The following MPDZ variants were observed in gnomAD, a reference collection of about 807,000 sequenced individuals.
MPDZ encodes multiple PDZ domain protein.
A neutral mutation model predicts 239.1 loss-of-function variants in MPDZ; 234 were observed. The observed-to-expected ratio is 0.98, with a 90% CI of 0.88 to 1.09. MPDZ has a LOEUF of 1.09. Ranked by LOEUF, MPDZ falls within the 50% of genes least tolerant of loss-of-function variation. The probability of loss-of-function intolerance (pLI) is 0.00; values close to 1 mark genes in which losing one functional copy is unlikely to be tolerated. For missense variants in MPDZ, 3,175 were observed against 2,510.0 expected (o/e 1.26, Z -5.66); for synonymous variants, 1,048 against 881.3 (o/e 1.19, Z -3.35).
chr9:13,147,671 G>T lies in MPDZ; in HGVS notation c.3631-13C>A, dbSNP rs551821068. ...CCATTCCATCCACCTGCAATGGAAG[G>T]CCTCAGCTTAACATTTCAAGAATCT... On this transcript the variant is annotated splice_polypyrimidine_tract_variant and intron_variant, in intron 25 of 46. Coordinates refer to ENST00000319217, the MANE Select transcript of MPDZ (RefSeq NM_001378778.1). The T allele has an allele frequency of 2.2e-5, 35 of 1,589,544 alleles. No individual in the cohort carries two copies. Among genetic ancestry groups the T allele is most frequent in the Non-Finnish European group, 2.9e-5 (34 of 1,159,082 alleles).
chr9:13,108,193 A>G (rs1454548703), intron 46 of MPDZ, among the ~76,000 whole-genome samples: 3 of 152,176 alleles, frequency 2.0e-5, no homozygotes, highest in African/African-American at 7.2e-5. Flanking sequence ...TTGAGATTCT[A>G]AATTTTTCCC....
rs147092862 is a variant in MPDZ at position 13,237,222 on chromosome 9, T to A, written c.183+10413A>T. Among the ~76,000 whole-genome samples, 770 of 151,664 alleles carry A rather than the reference T, an allele frequency of 5.1e-3. 9 individuals are homozygous for A. Among genetic ancestry groups the A allele is most frequent in the African/African-American group, 0.017 (717 of 41,316 alleles). On this transcript the variant is annotated intron_variant, in intron 3 of 46. Transcript: ENST00000319217. Reference sequence around the variant, plus strand: ...CTTTGGGAGGCTGAGGTGGGCAGATTGCTTGAGTCCAGGAGTTCGAGACCC... The same window carrying A: ...CTTTGGGAGGCTGAGGTGGGCAGATAGCTTGAGTCCAGGAGTTCGAGACCC...
intron 17 of MPDZ, among the ~76,000 whole-genome samples, chr9:13,187,457 AG>A (rs1954274298): frequency 6.6e-6 from 1 of 152,170 alleles, no homozygotes; most frequent in South Asian, 2.1e-4. Context: ...AGTCCCTGAT[AG>A]CCTATCTTTA....
chr9:13,219,990 T>G (rs1411210773), intron 7 of MPDZ, among the ~76,000 whole-genome samples: 2 of 152,010 alleles, frequency 1.3e-5, no homozygotes, highest in African/African-American at 4.8e-5. Context: ...AAATCAATAG[T>G]CCATATGAAC....
intron 3 of MPDZ, among the ~76,000 whole-genome samples, chr9:13,241,658 T>C: frequency 6.6e-6 from 1 of 152,224 alleles, no homozygotes; most frequent in East Asian, 1.9e-4. Context: ...AACAAAACAG[T>C]ATCTTTCTGA....
At chr9:13,249,667 A>C (rs1250847036) in intron 2 of MPDZ, among the ~76,000 whole-genome samples, 1 of 152,216 alleles carries the variant, frequency 6.6e-6, no homozygotes, top group Non-Finnish European at 1.5e-5. Context: ...GAATAGGGTA[A>C]GGAACTAGAA....
Position 13,110,750 on chromosome 9 carries a change from A to T in MPDZ, c.5725-10T>A. 6.2e-7 allele frequency: 1 copy of T among 1,606,334 alleles called. No individual in the cohort carries two copies. The highest frequency in any genetic ancestry group is 2.2e-5 in the East Asian group (1 of 44,768). ...CAATCCTATCCCCAACCTGCAAGGG[A>T]GAGAAAGAAACAGCCATCTGCTAAA... is the stretch of plus-strand genomic sequence containing the variant. On this transcript the variant is annotated splice_polypyrimidine_tract_variant and intron_variant, in intron 43 of 46. Coordinates refer to ENST00000319217, the MANE Select transcript of MPDZ (RefSeq NM_001378778.1).
chr9:13,136,325 C>CTTTTTTTTTTTTTTTTTT lies in MPDZ; in HGVS notation c.4293-161_4293-144dup, dbSNP rs869272418. 1.4e-3 allele frequency: 222 copies of CTTTTTTTTTTTTTTTTTT among 156,696 alleles called. 17 individuals are homozygous for CTTTTTTTTTTTTTTTTTT. The highest frequency in any genetic ancestry group is 2.6e-3 in the East Asian group (12 of 4,624). The allele number at this position is 156,696 out of a possible 1,614,324, so 9.7% of individuals were successfully genotyped here. ...ACACTTACAAATTTACAAACGTTTT[C>CTTTTTTTTTTTTTTTTTT]TTTTTTTTTTTTTTTTTTTTTTTTG... On this transcript the variant is annotated intron_variant, in intron 30 of 46. Coordinates refer to ENST00000319217, the MANE Select transcript of MPDZ (RefSeq NM_001378778.1).
chr9:13,163,464 T>C (rs530503505), intron 22 of MPDZ, among the ~76,000 whole-genome samples: 3 of 152,290 alleles, frequency 2.0e-5, no homozygotes, highest in South Asian at 4.1e-4. Context: ...ATTCAACAAG[T>C]ACTGACTGAA....
chr9:13,125,677 A>AT (rs1945004949), intron 34 of MPDZ, among the ~76,000 whole-genome samples: 1 of 152,066 alleles, frequency 6.6e-6, no homozygotes, highest in Non-Finnish European at 1.5e-5. Context: ...TACATCTCTA[A>AT]TCTCATCCGT....
chr9:13,238,217 G>A (rs1328121229), intron 3 of MPDZ, among the ~76,000 whole-genome samples: 3 of 152,272 alleles, frequency 2.0e-5, no homozygotes, highest in Admixed American at 6.5e-5. Flanking sequence ...TATACTACCT[G>A]GGACTAGGCA....
In MPDZ at chr9:13,113,063, GC is replaced by G. The variant is rs1344644231; in HGVS notation, c.5558-10del. The G allele has an allele frequency of 6.4e-7, 1 of 1,561,510 alleles. No homozygotes were observed. On this transcript the variant is annotated splice_polypyrimidine_tract_variant and intron_variant, in intron 41 of 46. Transcript: ENST00000319217. ...CTGTATTTCAGATGCCACTGTAAAGGCAAAAAAGATAAAATAGGGTTATTTT... is the reference window on the plus strand; with the variant it reads ...CTGTATTTCAGATGCCACTGTAAAGGAAAAAAGATAAAATAGGGTTATTTT...
chr9:13,225,619 CACAG>C (rs1338884360), intron 3 of MPDZ, among the ~76,000 whole-genome samples: 2 of 151,964 alleles, frequency 1.3e-5, no homozygotes, highest in East Asian at 1.9e-4. Flanking sequence ...TATTTAGAAA[CACAG>C]ACAATTACCA....
At chr9:13,266,390 C>T (rs924425670) in intron 1 of MPDZ, among the ~76,000 whole-genome samples, 6 of 152,176 alleles carry the variant, frequency 3.9e-5, no homozygotes, top group Non-Finnish European at 8.8e-5. Flanking sequence ...CAACTCTGCA[C>T]GGAGAAGTAC....
At chr9:13,225,565 A>T (rs1960312274) in intron 3 of MPDZ, among the ~76,000 whole-genome samples, 1 of 151,942 alleles carries the variant, frequency 6.6e-6, no homozygotes, top group South Asian at 2.1e-4. Flanking sequence ...ATACAGGTGT[A>T]CCATTTTTTA....
intron 32 of MPDZ, among the ~76,000 whole-genome samples, chr9:13,131,070 T>C (rs1333544884): frequency 6.6e-6 from 1 of 152,204 alleles, no homozygotes; most frequent in Non-Finnish European, 1.5e-5. Context: ...TTAAATTACT[T>C]TGTCAAATAA....
At chr9:13,208,833 G>C (rs1162412698) in intron 10 of MPDZ, among the ~76,000 whole-genome samples, 1 of 152,072 alleles carries the variant, frequency 6.6e-6, no homozygotes, top group African/African-American at 2.4e-5. Flanking sequence ...AACCTTCTAT[G>C]ATACTTCTGA....
chr9:13,114,629 C>A (rs934066347), intron 40 of MPDZ, among the ~76,000 whole-genome samples: 1 of 152,102 alleles, frequency 6.6e-6, no homozygotes, highest in South Asian at 2.1e-4. Context: ...GGGCCAGGTA[C>A]GGTGGCTCAT....
chr9:13,125,176 T>C, intron 35 of MPDZ, 40 bp downstream of exon 35: 1 of 1,486,582 alleles, frequency 6.7e-7, no homozygotes, highest in Non-Finnish European at 9.0e-7. Context: ...AGTTCAGGTG[T>C]TCCATATGTG....
Sources: allele counts gnomAD v4.1 joint callset (sites outside exome capture counted in the v4.1 genomes callset), GRCh38; gene constraint gnomAD v4.1.1; transcripts MANE v1.5; gene names NCBI Gene and HGNC (gene_info 2026-07-23, HGNC 2026-07-21).